CD59: variants seen among roughly 807,000 people sequenced by gnomAD.
CD59 encodes CD59 glycoprotein.
A neutral mutation model predicts 7.0 loss-of-function variants in CD59; 3 were observed. That is an observed-to-expected ratio of 0.43 (90% CI 0.19 to 1.10). CD59 has a LOEUF of 1.10. CD59 is among the 50% of genes least tolerant of loss of function. The pLI is 0.29. For missense variants in CD59, 143 were observed against 151.0 expected, an observed-to-expected ratio of 0.95 and a Z score of 0.28; for synonymous variants, 60 against 62.0, an observed-to-expected ratio of 0.97 and a Z score of 0.15.
intron 1 of CD59, among the ~76,000 whole-genome samples, chr11:33,726,594 A>T (rs1289405344): frequency 6.6e-6 from 1 of 152,192 alleles, no homozygotes; most frequent in African/African-American, 2.4e-5. Flanking sequence ...TAAAATTGAC[A>T]CCCTAACATC....
intron 3 of CD59, among the ~76,000 whole-genome samples, chr11:33,711,716 T>G (rs1853569015): frequency 6.6e-6 from 1 of 152,088 alleles, no homozygotes; most frequent in African/African-American, 2.4e-5. Flanking sequence ...TAAACATTTC[T>G]CCAAAGAAGA....
intron 1 of CD59, among the ~76,000 whole-genome samples, chr11:33,728,263 T>C (rs1450802422): frequency 4.6e-5 from 7 of 152,152 alleles, no homozygotes; most frequent in Non-Finnish European, 8.8e-5. Flanking sequence ...CTACCTGACT[T>C]CAAACTATAC....
At chr11:33,729,954 G>A (rs1429394191) in intron 1 of CD59, among the ~76,000 whole-genome samples, 3 of 151,842 alleles carry the variant, frequency 2.0e-5, no homozygotes, top group African/African-American at 7.3e-5. Flanking sequence ...TTTTTTTTCT[G>A]AAAATATATT....
chr11:33,726,438 A>G (rs1209252073), intron 1 of CD59, among the ~76,000 whole-genome samples: 2 of 152,256 alleles, frequency 1.3e-5, no homozygotes, highest in Admixed American at 1.3e-4. Context: ...CTGGGTAAAT[A>G]ACGAAATGAA....
chr11:33,705,091 G>A lies in CD59; in HGVS notation c.*5035C>T, dbSNP rs1414519988. On this transcript the variant is annotated 3_prime_UTR_variant, in exon 4 of 4. Coordinates refer to ENST00000642928, the MANE Select transcript of CD59 (RefSeq NM_000611.6). ...ACCTGAGAGGTAGTTTAGTGGAATA[G>A]GGAGTACAGAGGCCTGGAAGATGAG... 6.6e-6 allele frequency: 1 copy of A among 152,222 alleles called. No individual in the cohort carries two copies. The highest frequency in any genetic ancestry group is 1.9e-4 in the East Asian group (1 of 5,184). 9.4% of individuals were successfully genotyped at this position (152,222 alleles called of 1,614,324 possible).
rs1853345254 is a variant in CD59, at chr11:33,707,215, G to A, written c.*2911C>T. The A allele has an allele frequency of 6.6e-6, 1 of 152,220 alleles. No individual in the cohort carries two copies. The highest frequency in any genetic ancestry group is 1.5e-5 in the Non-Finnish European group (1 of 68,048). The allele number at this position is 152,220 out of a possible 1,614,324, so 9.4% of individuals were successfully genotyped here. ...TAGTTCAGATCTGTTGGCAGCAACA[G>A]AAACTAATGCGAGCTAGTAGACTTT... On this transcript the variant is annotated 3_prime_UTR_variant, in exon 4 of 4. Coordinates refer to ENST00000642928, the MANE Select transcript of CD59 (RefSeq NM_000611.6).
At chr11:33,721,626 G>A (rs1854067044) in intron 2 of CD59, among the ~76,000 whole-genome samples, 1 of 152,192 alleles carries the variant, frequency 6.6e-6, no homozygotes, top group South Asian at 2.1e-4. Flanking sequence ...TGTTATAGAA[G>A]TTGACTCAGA....
At chr11:33,711,851 G>GTTTA (rs1853573773) in intron 3 of CD59, among the ~76,000 whole-genome samples, 1 of 152,196 alleles carries the variant, frequency 6.6e-6, no homozygotes. Context: ...CAAGAAAATG[G>GTTTA]TAAATAGCAA....
In CD59 at chr11:33,708,410, T is replaced by G. The variant is rs1853399046; in HGVS notation, c.*1716A>C. 6.6e-6 allele frequency: 1 copy of G among 152,006 alleles called. No individual in the cohort carries two copies. Among genetic ancestry groups the G allele is most frequent in the African/African-American group, 2.4e-5 (1 of 41,356 alleles). 9.4% of individuals were successfully genotyped at this position (152,006 alleles called of 1,614,324 possible). A position where few individuals can be genotyped will look rare whatever the true frequency, so the allele number is the denominator to read the frequency against. On this transcript the variant is annotated 3_prime_UTR_variant, in exon 4 of 4. Transcript: ENST00000642928. ...CTAGAATCTCAATCCTGAGAGAGGC[T>G]TCCAAAACTGTCGACTCCTGGCTTT... is the stretch of plus-strand genomic sequence containing the variant.
Position 33,704,678 on chromosome 11 carries a change from C to T in CD59, c.*5448G>A, listed in dbSNP as rs1590503943. On this transcript the variant is annotated 3_prime_UTR_variant, in exon 4 of 4. Transcript: ENST00000642928. Reference sequence around the variant, plus strand: ...GTTAAGTAACTTGCCTGAGGGTCGCCGATTAGCATCAGAGCCGGCATTTCA... The same window carrying T: ...GTTAAGTAACTTGCCTGAGGGTCGCTGATTAGCATCAGAGCCGGCATTTCA... 1 of 152,172 alleles carries T rather than the reference C, an allele frequency of 6.6e-6. No homozygotes were observed. The highest frequency in any genetic ancestry group is 2.4e-5 in the African/African-American group (1 of 41,380). 9.4% of individuals were successfully genotyped at this position (152,172 alleles called of 1,614,324 possible).
At chr11:33,735,151 C>T (rs1271329181) in intron 1 of CD59, among the ~76,000 whole-genome samples, 1 of 152,216 alleles carries the variant, frequency 6.6e-6, no homozygotes, top group Non-Finnish European at 1.5e-5. Flanking sequence ...CCTCAACATT[C>T]GGGGCTCTGT....
chr11:33,722,913 A>G (rs942927076), intron 1 of CD59: 66 of 1,079,102 alleles, frequency 6.1e-5, no homozygotes, highest in Middle Eastern at 4.3e-4. Flanking sequence ...ATGGCTTAGC[A>G]TACCTGGAAG....
intron 3 of CD59, among the ~76,000 whole-genome samples, chr11:33,715,400 G>C (rs1490041518): frequency 6.6e-6 from 1 of 152,086 alleles, no homozygotes; most frequent in Non-Finnish European, 1.5e-5. Flanking sequence ...AGGAGTTTGA[G>C]ATGAGCCTGG....
chr11:33,735,246 T>G (rs566719399), intron 1 of CD59, among the ~76,000 whole-genome samples: 1 of 152,180 alleles, frequency 6.6e-6, no homozygotes, highest in Non-Finnish European at 1.5e-5. Flanking sequence ...CTGAAATAAT[T>G]AGCAGCCGCC....
intron 2 of CD59, chr11:33,719,492 C>T (rs1853953760): frequency 6.6e-6 from 1 of 152,128 alleles, no homozygotes; most frequent in East Asian, 1.9e-4. Flanking sequence ...CATGGTGGTA[C>T]ATGCCTGTAA....
rs1853227033 is a variant in CD59 at position 33,704,440 on chromosome 11, G to C, written c.*5686C>G. On this transcript the variant is annotated 3_prime_UTR_variant, in exon 4 of 4. Coordinates refer to ENST00000642928, the MANE Select transcript of CD59 (RefSeq NM_000611.6). The stretch of plus-strand genomic sequence containing the variant: ...CTGGTGGATGAATGAGGAAAATGCA[G>C]CAGGGGGTCCATCCTAGAAAACCCA... The C allele has an allele frequency of 6.6e-6, 1 of 152,070 alleles. No individual in the cohort carries two copies. Among genetic ancestry groups the C allele is most frequent in the African/African-American group, 2.4e-5 (1 of 41,378 alleles). The allele number at this position is 152,070 out of a possible 1,614,324, so 9.4% of individuals were successfully genotyped here. A position where few individuals can be genotyped will look rare whatever the true frequency, so the allele number is the denominator to read the frequency against.
intron 1 of CD59, among the ~76,000 whole-genome samples, chr11:33,734,038 A>G (rs1212566295): frequency 6.6e-6 from 1 of 152,234 alleles, no homozygotes; most frequent in Non-Finnish European, 1.5e-5. Flanking sequence ...TCTTGTTTCT[A>G]TTCGCCAGGG....
At chr11:33,725,758 T>C (rs1338794050) in intron 1 of CD59, among the ~76,000 whole-genome samples, 1 of 152,150 alleles carries the variant, frequency 6.6e-6, no homozygotes, top group Non-Finnish European at 1.5e-5. Context: ...GAAATGAGTA[T>C]ACTATGGTAC....
In CD59 at chr11:33,705,265, TTC is replaced by T. The variant is rs1489017151; in HGVS notation, c.*4859_*4860del. ...CTTATAGGGTAGGTCTGTCAGAATT[TTC>T]TGTCCACAAGCAACAGAAGCTTACA... is the stretch of plus-strand genomic sequence containing the variant. On this transcript the variant is annotated 3_prime_UTR_variant, in exon 4 of 4. Transcript: ENST00000642928. 3 of 152,198 alleles carry T rather than the reference TTC, an allele frequency of 2.0e-5. No individual in the cohort carries two copies. The highest frequency in any genetic ancestry group is 4.4e-5 in the Non-Finnish European group (3 of 68,036). The allele number at this position is 152,198 out of a possible 1,614,324, so 9.4% of individuals were successfully genotyped here.
Sources: allele counts gnomAD v4.1 joint callset (sites outside exome capture counted in the v4.1 genomes callset), GRCh38; gene constraint gnomAD v4.1.1; transcripts MANE v1.5; gene names NCBI Gene and HGNC (gene_info 2026-07-23, HGNC 2026-07-21).